ANAPC5: variants seen among roughly 807,000 people sequenced by gnomAD.
ANAPC5 encodes the protein anaphase promoting complex subunit 5, also known as anaphase-promoting complex subunit 5.
A neutral mutation model predicts 91.3 loss-of-function variants in ANAPC5; 60 were observed. The ratio of observed to expected loss-of-function variants is 0.66; its 90% CI spans 0.53 to 0.81. The LOEUF is 0.81. Among genes scored for constraint, ANAPC5 ranks in the 40% least tolerant of loss-of-function variants. The pLI is 0.00. For synonymous variants in ANAPC5, 340 were observed against 364.1 expected, an observed-to-expected ratio of 0.93 and a Z score of 0.75; for missense variants, 690 against 931.5, an observed-to-expected ratio of 0.74 and a Z score of 3.37.
intron 13 of ANAPC5, 150 bp from the exon 14 acceptor site, chr12:121,318,758 C>G: frequency 1.5e-6 from 1 of 671,054 alleles, no homozygotes; most frequent in Non-Finnish European, 2.5e-6. Flanking sequence ...CGGTGGCTCA[C>G]ACCTGTAATC....
In ANAPC5 at chr12:121,327,227, T is replaced by C. The variant is rs782538891; in HGVS notation, c.1309A>G (p.Met437Val). 1 of 1,612,434 alleles carries C rather than the reference T, an allele frequency of 6.2e-7. No individual in the cohort carries two copies. The highest frequency in any genetic ancestry group is 8.5e-7 in the Non-Finnish European group (1 of 1,179,804). Residue 437 changes from methionine to valine, a missense_variant, in exon 11 of 17, where the codon ATG becomes GTG. Physicochemically the swap from Met to Val is conservative, Grantham distance 21 (BLOSUM62 1). Transcript: ENST00000261819. The part of the protein sequence containing the change: ...AIWRLYGRST[M>V]ALQQAQMLLS... ...AACATCTGGGCCTGTTGCAGTGCCA[T>C]GGTGCTGGGTGGGGAGAGGGAACAG...
intron 13 of ANAPC5, 23 bp downstream of exon 13, chr12:121,319,673 GT>G: frequency 6.3e-7 from 1 of 1,593,590 alleles, no homozygotes; most frequent in Admixed American, 1.8e-5. Flanking sequence ...TTATTCTGGG[GT>G]TAGAGTTTTC....
At chr12:121,351,858 AAAG>A (rs1483233777) in intron 1 of ANAPC5, among the ~76,000 whole-genome samples, 1 of 152,052 alleles carries the variant, frequency 6.6e-6, no homozygotes, top group Non-Finnish European at 1.5e-5. Context: ...GCCCCATTTT[AAAG>A]AAGATACAGG....
chr12:121,321,343 CTTTTTTTTTTT>C (rs71079053), intron 11 of ANAPC5, among the ~76,000 whole-genome samples: 9 of 100,666 alleles, frequency 8.9e-5, no homozygotes, highest in Admixed American at 2.4e-4. Flanking sequence ...AAACAAATTA[CTTTTTTTTTTT>C]TTTTTTTTTT....
At chr12:121,335,744 T>C in intron 6 of ANAPC5, 21 bp from the exon 7 acceptor site, 21 of 1,594,206 alleles carry the variant, frequency 1.3e-5, no homozygotes, top group Non-Finnish European at 1.8e-5. Flanking sequence ...AAATAATCAA[T>C]GTATTTTAAA....
In ANAPC5 at chr12:121,308,504, C is replaced by A; in HGVS notation, c.2244G>T (p.Gly748=). 1 of 1,614,032 alleles carries A rather than the reference C, an allele frequency of 6.2e-7. No homozygotes were observed. The highest frequency in any genetic ancestry group is 8.5e-7 in the Non-Finnish European group (1 of 1,180,020). Residue 748 remains glycine, a synonymous_variant, in exon 17 of 17, where the codon GGG becomes GGT. Transcript: ENST00000261819. Reference sequence around the variant, plus strand: ...TCTAGAGATGGTTTATCAAGGGTACCCCATGAGAGGGCAGCTCCTGATGCA... The same window carrying A: ...TCTAGAGATGGTTTATCAAGGGTACACCATGAGAGGGCAGCTCCTGATGCA... ...RQLHQELPSH[G]VPLINHL is the part of the protein sequence containing the mutation.
intron 4 of ANAPC5, among the ~76,000 whole-genome samples, chr12:121,344,446 G>C (rs1327487103): frequency 6.6e-6 from 1 of 152,046 alleles, no homozygotes; most frequent in African/African-American, 2.4e-5. Flanking sequence ...CGGGTGTGCT[G>C]GTGGGCACCT....
intron 15 of ANAPC5, among the ~76,000 whole-genome samples, chr12:121,315,238 A>G (rs1276466411): frequency 6.6e-6 from 1 of 152,236 alleles, no homozygotes; most frequent in African/African-American, 2.4e-5. Context: ...TTAACCAAAG[A>G]AGTGAAAGAT....
At chr12:121,326,315 A>G (rs1201264943) in intron 11 of ANAPC5, 1 of 152,234 alleles carries the variant, frequency 6.6e-6, no homozygotes, top group East Asian at 1.9e-4. Flanking sequence ...AGAGGAAGAG[A>G]AAAATATGAT....
upstream of ANAPC5, among the ~76,000 whole-genome samples, chr12:121,352,716 T>TG (rs1555275618): frequency 0.21 from 26,477 of 128,776 alleles, 3,674 homozygotes; most frequent in Middle Eastern, 0.34. Flanking sequence ...TGGTTGTTGT[T>TG]GTTGGTGGTG....
At chr12:121,349,873 A>ATT (rs1311803899) in intron 1 of ANAPC5, among the ~76,000 whole-genome samples, 2 of 150,708 alleles carry the variant, frequency 1.3e-5, no homozygotes, top group Admixed American at 6.6e-5. Context: ...TGCCCGGCTA[A>ATT]TTTTTTTTTG....
At position 121,318,374 on chromosome 12, in the gene ANAPC5, A is replaced by C; in HGVS notation, c.1796T>G (p.Ile599Ser). The part of the protein sequence containing the change: ...ELYWRSSSPT[I>S]ALPMLLQALA... ...AGCCTGCAGGAGCATGGGCAGCGCG[A>C]TGGTAGGGGAGGAAGATCGCCAGTA... is the stretch of plus-strand genomic sequence containing the variant. Residue 599 changes from isoleucine to serine, a missense_variant, in exon 15 of 17, where the codon ATC becomes AGC. Around this residue, in one of 5 missense-constraint regions of ANAPC5, gnomAD observed 317 missense variants for 438.7 expected, o/e 0.72. Transcript: ENST00000261819. 2 of 1,612,376 alleles carry C rather than the reference A, an allele frequency of 1.2e-6. No homozygotes were observed. Among genetic ancestry groups the C allele is most frequent in the Non-Finnish European group, 1.7e-6 (2 of 1,179,180 alleles).
At chr12:121,344,621 A>G (rs1555274485) in intron 4 of ANAPC5, among the ~76,000 whole-genome samples, 3 of 151,242 alleles carry the variant, frequency 2.0e-5, no homozygotes, top group African/African-American at 7.3e-5. Context: ...AGTATTTGGG[A>G]TAGGCGCTAC....
intron 15 of ANAPC5, among the ~76,000 whole-genome samples, chr12:121,310,979 G>T (rs1902145977): frequency 6.8e-6 from 1 of 146,300 alleles, no homozygotes; most frequent in Non-Finnish European, 1.5e-5. Flanking sequence ...TGACATTAAA[G>T]GTAAATGAGT....
upstream of ANAPC5, among the ~76,000 whole-genome samples, chr12:121,354,047 C>T (rs74564432): frequency 4.0e-5 from 6 of 148,378 alleles, no homozygotes; most frequent in African/African-American, 1.0e-4. Flanking sequence ...GGAGTACAGT[C>T]GCTCGATTTC....
chr12:121,339,054 C>CTTTT (rs1259383557), intron 5 of ANAPC5, among the ~76,000 whole-genome samples: 7 of 128,808 alleles, frequency 5.4e-5, no homozygotes, highest in African/African-American at 1.2e-4. Flanking sequence ...ACTTTTTTTT[C>CTTTT]TTTTTTTTTT....
intron 16 of ANAPC5, among the ~76,000 whole-genome samples, chr12:121,309,465 C>T (rs556530832): frequency 6.6e-6 from 1 of 152,184 alleles, no homozygotes; most frequent in East Asian, 1.9e-4. Context: ...TAACTCCTGA[C>T]TTCTAGCCTG....
chr12:121,342,081 A>T lies in ANAPC5; in HGVS notation c.591-12T>A. 2.5e-6 allele frequency: 4 copies of T among 1,569,694 alleles called. No homozygotes were observed. Among genetic ancestry groups the T allele is most frequent in the Non-Finnish European group, 3.5e-6 (4 of 1,156,392 alleles). ...ATACCTCCTCTTCTCTGGAAAAAAT[A>T]AAAAAACAAAAATAGTAAAGAATTA... is the stretch of plus-strand genomic sequence containing the variant. On this transcript the variant is annotated splice_polypyrimidine_tract_variant and intron_variant, in intron 4 of 16. Coordinates refer to ENST00000261819, the MANE Select transcript of ANAPC5 (RefSeq NM_016237.5). The surrounding 1 kb of genome is among the most constrained non-coding windows in gnomAD (Gnocchi z 4.1).
intron 7 of ANAPC5, chr12:121,332,639 A>G (rs1464380825): frequency 1.3e-5 from 2 of 151,992 alleles, no homozygotes; most frequent in Non-Finnish European, 2.9e-5. Context: ...AGTACACAGT[A>G]AATGCTCAAT....
Sources: gnomAD v4.1 joint callset for allele counts (sites outside exome capture counted in the v4.1 genomes callset) on GRCh38, gnomAD v4.1.1 for gene constraint, gnomAD v4.1.1 regional missense constraint, Gnocchi (gnomAD v3.1) non-coding constraint, MANE v1.5 for transcripts, NCBI Gene and HGNC (gene_info 2026-07-23, HGNC 2026-07-21) for gene names.